Variants in GPR27 observed in about 807,000 individuals in gnomAD.
GPR27 encodes the protein G protein-coupled receptor 27.
In GPR27, 3 loss-of-function variants were observed where a neutral mutation model predicts 2.4. The ratio of observed to expected loss-of-function variants is 1.23; its 90% CI spans 0.56 to 3.18. The LOEUF (loss-of-function observed/expected upper bound fraction) is 3.18. Among genes scored for constraint, GPR27 ranks in the 30% most tolerant of loss-of-function variants. The probability of loss-of-function intolerance (pLI) is 0.03; values close to 1 mark genes in which losing one functional copy is unlikely to be tolerated. For missense variants in GPR27, 526 were observed against 566.1 expected (o/e 0.93, Z 0.72); for synonymous variants, 367 against 296.4 (o/e 1.24, Z -2.45).
rs1460166308 is a variant in GPR27 at position 71,755,700 on chromosome 3, T to A, written c.*523T>A. On this transcript the variant is annotated 3_prime_UTR_variant, in exon 1 of 1. Transcript: ENST00000304411. ...GGGGGAAGTTGTCCGAAATGCCCTC[T>A]GAATTGCCGGCTGCAGGGTCCTTGT... The A allele has an allele frequency of 6.5e-6, 1 of 153,228 alleles. No individual in the cohort carries two copies. Among genetic ancestry groups the A allele is most frequent in the Non-Finnish European group, 1.5e-5 (1 of 68,738 alleles). The allele number at this position is 153,228 out of a possible 1,614,324, so 9.5% of individuals were successfully genotyped here. A position where few individuals can be genotyped will look rare whatever the true frequency, so the allele number is the denominator to read the frequency against.
In GPR27 at chr3:71,755,451, T is replaced by C; in HGVS notation, c.*274T>C. Reference sequence around the variant, plus strand: ...GTCTTTTTGTAGCGGTACTGACGTCTTTTATTCCATGTGTGGTTCCTTTTT... The same window carrying C: ...GTCTTTTTGTAGCGGTACTGACGTCCTTTATTCCATGTGTGGTTCCTTTTT... On this transcript the variant is annotated 3_prime_UTR_variant, in exon 1 of 1. Transcript: ENST00000304411. 1 of 429,524 alleles carries C rather than the reference T, an allele frequency of 2.3e-6. No homozygotes were observed. The allele number at this position is 429,524 out of a possible 1,614,324, so 26.6% of individuals were successfully genotyped here.
In GPR27 at chr3:71,754,191, A is replaced by T. The variant is rs1346401676; in HGVS notation, c.142A>T (p.Ser48Cys). 7 of 1,422,902 alleles carry T rather than the reference A, an allele frequency of 4.9e-6. No individual in the cohort carries two copies. The highest frequency in any genetic ancestry group is 1.5e-5 in the African/African-American group (1 of 67,034). 88.1% of individuals were successfully genotyped at this position (1,422,902 alleles called of 1,614,324 possible). The change falls in exon 1 of 1, where the codon AGC (serine) becomes TGC (cysteine). Residue 48 changes from serine to cysteine, a missense_variant. This residue lies in a region of GPR27 where 312 missense variants were observed against 318.4 expected (regional missense o/e 0.98). Transcript: ENST00000304411. The surrounding 1 kb of genome is among the most constrained non-coding windows in gnomAD (Gnocchi z 5.8). ...LFALLIVRER[S>C]LHRAPYYLLL... The stretch of plus-strand genomic sequence containing the variant: ...CGCGCTGCTGATCGTGCGGGAGCGC[A>T]GCCTGCACCGCGCCCCGTACTACCT...
Position 71,754,175 on chromosome 3 carries a change from G to T in GPR27, c.126G>T (p.Leu42=), listed in dbSNP as rs765142965. 1 of 1,447,296 alleles carries T rather than the reference G, an allele frequency of 6.9e-7. No homozygotes were observed. Among genetic ancestry groups the T allele is most frequent in the Non-Finnish European group, 9.2e-7 (1 of 1,089,668 alleles). 89.7% of individuals were successfully genotyped at this position (1,447,296 alleles called of 1,614,324 possible). Residue 42 remains leucine (L), a synonymous_variant, in exon 1 of 1, where the codon CTG becomes CTT. Transcript: ENST00000304411. The surrounding 1 kb of genome is among the most constrained non-coding windows in gnomAD (Gnocchi z 5.8). ...SLAGNVLFAL[L]IVRERSLHRA... Reference sequence around the variant, plus strand: ...CGGGCAACGTGCTGTTCGCGCTGCTGATCGTGCGGGAGCGCAGCCTGCACC... The same window carrying T: ...CGGGCAACGTGCTGTTCGCGCTGCTTATCGTGCGGGAGCGCAGCCTGCACC...
chr3:71,753,969 G>A lies in GPR27; in HGVS notation c.-81G>A, dbSNP rs1264913138. 9.6e-7 allele frequency: 1 copy of A among 1,036,708 alleles called. No individual in the cohort carries two copies. The highest frequency in any genetic ancestry group is 1.2e-6 in the Non-Finnish European group (1 of 864,594). The allele number at this position is 1,036,708 out of a possible 1,614,324, so 64.2% of individuals were successfully genotyped here. A position where few individuals can be genotyped will look rare whatever the true frequency, so the allele number is the denominator to read the frequency against. On this transcript the variant is annotated 5_prime_UTR_variant, in exon 1 of 1. Transcript: ENST00000304411. The stretch of plus-strand genomic sequence containing the variant: ...GCTCGCCCAGGGCCGGCGGAGCGGC[G>A]GAGCTCGGGCCGGGCGGCCTGCGGG...
At position 71,754,390 on chromosome 3, in the gene GPR27, T is replaced by C; in HGVS notation, c.341T>C (p.Leu114Pro). The change falls in exon 1 of 1, where the codon CTG (leucine) becomes CCG (proline). Residue 114 changes from leucine to proline, a missense_variant. This residue lies in a region of GPR27 where 312 missense variants were observed against 318.4 expected (regional missense o/e 0.98). Coordinates refer to ENST00000304411, the MANE Select transcript of GPR27 (RefSeq NM_018971.3). The surrounding 1 kb of genome is among the most constrained non-coding windows in gnomAD (Gnocchi z 5.8). ...LFCFHAAFLL[L>P]GVGVTRYLAI... is the part of the protein sequence containing the mutation. Reference sequence around the variant, plus strand: ...TGCTTCCACGCCGCCTTCCTGCTGCTGGGCGTGGGCGTCACCCGCTACCTG... The same window carrying C: ...TGCTTCCACGCCGCCTTCCTGCTGCCGGGCGTGGGCGTCACCCGCTACCTG... 1.5e-6 allele frequency: 2 copies of C among 1,344,590 alleles called. No homozygotes were observed. Among genetic ancestry groups the C allele is most frequent in the South Asian group, 1.7e-5 (1 of 58,204 alleles). The allele number at this position is 1,344,590 out of a possible 1,614,324, so 83.3% of individuals were successfully genotyped here.
chr3:71,754,266 C>G lies in GPR27; in HGVS notation c.217C>G (p.Pro73Ala), dbSNP rs1578399670. 2.4e-6 allele frequency: 3 copies of G among 1,227,150 alleles called. No homozygotes were observed. The highest frequency in any genetic ancestry group is 3.1e-6 in the Non-Finnish European group (3 of 974,976). 76.0% of individuals were successfully genotyped at this position (1,227,150 alleles called of 1,614,324 possible). The change falls in exon 1 of 1, where the codon CCG becomes GCG. Residue 73 changes from proline (P) to alanine (A), a missense_variant. Coordinates refer to ENST00000304411, the MANE Select transcript of GPR27 (RefSeq NM_018971.3). The surrounding 1 kb of genome is among the most constrained non-coding windows in gnomAD (Gnocchi z 5.8). ...CGGGCTGCGCGCGCTCGCCTGCCTC[C>G]CGGCCGTCATGCTGGCGGCGCGGCG... ...ADGLRALACL[P>A]AVMLAARRAA...
In GPR27 at chr3:71,754,534, G is replaced by C; in HGVS notation, c.485G>C (p.Gly162Ala). ...GCGGCCTTCCCGCCAGTGCTGGACG[G>C]CGGTGGCGACGACGAGGACGCGCCG... The part of the protein sequence containing the change: ...LAAAFPPVLD[G>A]GGDDEDAPCA... Residue 162 changes from glycine to alanine, a missense_variant, in exon 1 of 1, where the codon GGC becomes GCC. Transcript: ENST00000304411. The surrounding 1 kb of genome is among the most constrained non-coding windows in gnomAD (Gnocchi z 5.8). The C allele has an allele frequency of 7.4e-7, 1 of 1,345,644 alleles. No homozygotes were observed. Among genetic ancestry groups the C allele is most frequent in the Non-Finnish European group, 9.5e-7 (1 of 1,047,960 alleles). The allele number at this position is 1,345,644 out of a possible 1,614,324, so 83.4% of individuals were successfully genotyped here.
Position 71,754,360 on chromosome 3 carries a change from T to C in GPR27, c.311T>C (p.Leu104Pro). 7.6e-7 allele frequency: 1 copy of C among 1,316,176 alleles called. No homozygotes were observed. The highest frequency in any genetic ancestry group is 1.9e-5 in the South Asian group (1 of 53,438). The allele number at this position is 1,316,176 out of a possible 1,614,324, so 81.5% of individuals were successfully genotyped here. ...GCKLLAFLAALFCFHAAFLLL... is the reference protein window; with the variant it reads ...GCKLLAFLAAPFCFHAAFLLL... ...AAGCTGCTCGCCTTCCTGGCCGCGC[T>C]CTTCTGCTTCCACGCCGCCTTCCTG... The change falls in exon 1 of 1, where the codon CTC becomes CCC. Residue 104 changes from leucine to proline, a missense_variant. Leu to Pro is a moderately conservative substitution (Grantham distance 98). Transcript: ENST00000304411. The surrounding 1 kb of genome is among the most constrained non-coding windows in gnomAD (Gnocchi z 5.8).
At position 71,754,329 on chromosome 3, in the gene GPR27, G is replaced by A; in HGVS notation, c.280G>A (p.Gly94Ser). Residue 94 changes from glycine to serine, a missense_variant, in exon 1 of 1, where the codon GGC becomes AGC. Gly to Ser is a moderately conservative substitution (Grantham distance 56). Around this residue, in one of 3 missense-constraint regions of GPR27, gnomAD observed 312 missense variants for 318.4 expected, o/e 0.98. Coordinates refer to ENST00000304411, the MANE Select transcript of GPR27 (RefSeq NM_018971.3). The surrounding 1 kb of genome is among the most constrained non-coding windows in gnomAD (Gnocchi z 5.8). ...AAAGAPPGAL[G>S]CKLLAFLAAL... ...GGCGGGGGCGCCGCCGGGCGCGCTG[G>A]GCTGCAAGCTGCTCGCCTTCCTGGC... is the stretch of plus-strand genomic sequence containing the variant. 1 of 1,241,474 alleles carries A rather than the reference G, an allele frequency of 8.1e-7. No homozygotes were observed. Among genetic ancestry groups the A allele is most frequent in the East Asian group, 3.8e-5 (1 of 26,250 alleles). The allele number at this position is 1,241,474 out of a possible 1,614,324, so 76.9% of individuals were successfully genotyped here.
Position 71,754,006 on chromosome 3 carries a change from AG to A in GPR27, c.-40del. On this transcript the variant is annotated 5_prime_UTR_variant, in exon 1 of 1. Transcript: ENST00000304411. This position sits in a 1 kb window ranked among gnomAD's most constrained non-coding sequence, Gnocchi z 5.8. ...GGGCGGCCTGCGGGAGCGGCGAGGC[AG>A]GGGACGGCCCCGGGGCGGAGCGCAC... 9.2e-7 allele frequency: 1 copy of A among 1,083,144 alleles called. No homozygotes were observed. Among genetic ancestry groups the A allele is most frequent in the East Asian group, 5.6e-5 (1 of 17,722 alleles). The allele number at this position is 1,083,144 out of a possible 1,614,324, so 67.1% of individuals were successfully genotyped here.
chr3:71,754,306 C>CGGGGGCGCCGCCGGGCGCGCT lies in GPR27; in HGVS notation c.261_281dup (p.Ala88_Gly94dup). ...GCGGCGCGGCGTGCGGCGGCCGCGGCGGGGGCGCCGCCGGGCGCGCTGGGC... is the reference window on the plus strand; with the variant it reads ...GCGGCGCGGCGTGCGGCGGCCGCGGCGGGGGCGCCGCCGGGCGCGCTGGGGGCGCCGCCGGGCGCGCTGGGC... On this transcript the variant is annotated inframe_insertion, in exon 1 of 1. Transcript: ENST00000304411. This position sits in a 1 kb window ranked among gnomAD's most constrained non-coding sequence, Gnocchi z 5.8. The CGGGGGCGCCGCCGGGCGCGCT allele has an allele frequency of 8.7e-7, 1 of 1,154,386 alleles. No homozygotes were observed. Among genetic ancestry groups the CGGGGGCGCCGCCGGGCGCGCT allele is most frequent in the Non-Finnish European group, 1.1e-6 (1 of 940,330 alleles). The allele number at this position is 1,154,386 out of a possible 1,614,324, so 71.5% of individuals were successfully genotyped here. A position where few individuals can be genotyped will look rare whatever the true frequency, so the allele number is the denominator to read the frequency against.
rs767716510 is a variant in GPR27, at chr3:71,755,034, G to C, written c.985G>C (p.Ala329Pro). The change falls in exon 1 of 1, where the codon GCG becomes CCG. Residue 329 changes from alanine to proline, a missense_variant. By Grantham distance (27) the Ala-to-Pro change is conservative (BLOSUM62 -1). Around this residue, in one of 3 missense-constraint regions of GPR27, gnomAD observed 116 missense variants for 100.9 expected, o/e 1.15. Transcript: ENST00000304411. ...YLTASVWLTF[A>P]QAGINPVVCF... The stretch of plus-strand genomic sequence containing the variant: ...GACGGCCTCCGTGTGGCTGACCTTC[G>C]CGCAGGCCGGCATCAACCCCGTCGT... The C allele has an allele frequency of 6.2e-7, 1 of 1,612,568 alleles. No individual in the cohort carries two copies. Among genetic ancestry groups the C allele is most frequent in the South Asian group, 1.1e-5 (1 of 91,084 alleles).
In GPR27 at chr3:71,754,948, A is replaced by C. The variant is rs764436891; in HGVS notation, c.899A>C (p.Tyr300Ser). 5.6e-6 allele frequency: 9 copies of C among 1,613,124 alleles called. No homozygotes were observed. Among genetic ancestry groups the C allele is most frequent in the Non-Finnish European group, 6.8e-6 (8 of 1,179,654 alleles). ...CTCTTCCTGCTCCTCTGGGGGCCCT[A>C]CGTCGTGGCCAGCTACCTGCGGGTC... ...TLLFLLLWGPYVVASYLRVLV... is the reference protein window; with the variant it reads ...TLLFLLLWGPSVVASYLRVLV... The change falls in exon 1 of 1, where the codon TAC (tyrosine) becomes TCC (serine). Residue 300 changes from tyrosine to serine, a missense_variant. Transcript: ENST00000304411. This position sits in a 1 kb window ranked among gnomAD's most constrained non-coding sequence, Gnocchi z 5.8.
In GPR27 at chr3:71,755,113, G is replaced by C. The variant is rs780902248; in HGVS notation, c.1064G>C (p.Cys355Ser). 6.2e-7 allele frequency: 1 copy of C among 1,609,888 alleles called. No homozygotes were observed. Among genetic ancestry groups the C allele is most frequent in the Non-Finnish European group, 8.5e-7 (1 of 1,179,846 alleles). The part of the protein sequence containing the change: ...LRDCFRAQFP[C>S]CQSPRTTQAT... The stretch of plus-strand genomic sequence containing the variant: ...GACTGCTTCAGGGCCCAGTTCCCCT[G>C]CTGCCAGAGCCCCCGGACCACCCAG... The change falls in exon 1 of 1, where the codon TGC becomes TCC. Residue 355 changes from cysteine to serine, a missense_variant. Coordinates refer to ENST00000304411, the MANE Select transcript of GPR27 (RefSeq NM_018971.3).
In GPR27 at chr3:71,754,264, T is replaced by A; in HGVS notation, c.215T>A (p.Leu72His). Reference protein sequence around the residue: ...LADGLRALACLPAVMLAARRA... With the variant: ...LADGLRALACHPAVMLAARRA... Reference sequence around the variant, plus strand: ...GACGGGCTGCGCGCGCTCGCCTGCCTCCCGGCCGTCATGCTGGCGGCGCGG... The same window carrying A: ...GACGGGCTGCGCGCGCTCGCCTGCCACCCGGCCGTCATGCTGGCGGCGCGG... The change falls in exon 1 of 1, where the codon CTC (leucine) becomes CAC (histidine). Residue 72 changes from leucine to histidine, a missense_variant. By Grantham distance (99) the Leu-to-His change is moderately conservative. Around this residue, in one of 3 missense-constraint regions of GPR27, gnomAD observed 312 missense variants for 318.4 expected, o/e 0.98. Transcript: ENST00000304411. The surrounding 1 kb of genome is among the most constrained non-coding windows in gnomAD (Gnocchi z 5.8). The A allele has an allele frequency of 1.6e-6, 2 of 1,227,986 alleles. No homozygotes were observed. Among genetic ancestry groups the A allele is most frequent in the Non-Finnish European group, 2.1e-6 (2 of 975,066 alleles). The allele number at this position is 1,227,986 out of a possible 1,614,324, so 76.1% of individuals were successfully genotyped here.
Position 71,754,018 on chromosome 3 carries a change from C to T in GPR27, c.-32C>T, listed in dbSNP as rs868196398. 11 of 1,131,326 alleles carry T rather than the reference C, an allele frequency of 9.7e-6. No homozygotes were observed. The East Asian group carries it at 1.5e-4, about 15-fold the overall frequency. 70.1% of individuals were successfully genotyped at this position (1,131,326 alleles called of 1,614,324 possible). Reference sequence around the variant, plus strand: ...GGAGCGGCGAGGCAGGGGACGGCCCCGGGGCGGAGCGCACGGCCTGGTGAG... The same window carrying T: ...GGAGCGGCGAGGCAGGGGACGGCCCTGGGGCGGAGCGCACGGCCTGGTGAG... On this transcript the variant is annotated 5_prime_UTR_variant, in exon 1 of 1. Coordinates refer to ENST00000304411, the MANE Select transcript of GPR27 (RefSeq NM_018971.3). The surrounding 1 kb of genome is among the most constrained non-coding windows in gnomAD (Gnocchi z 5.8).
Position 71,754,089 on chromosome 3 carries a change from G to A in GPR27, c.40G>A (p.Glu14Lys), listed in dbSNP as rs2049971018. 2.2e-6 allele frequency: 3 copies of A among 1,348,512 alleles called. No individual in the cohort carries two copies. The highest frequency in any genetic ancestry group is 2.9e-6 in the Non-Finnish European group (3 of 1,039,996). 83.5% of individuals were successfully genotyped at this position (1,348,512 alleles called of 1,614,324 possible). Residue 14 changes from glutamate to lysine, a missense_variant, in exon 1 of 1, where the codon GAG becomes AAG. This residue lies in a region of GPR27 where 312 missense variants were observed against 318.4 expected (regional missense o/e 0.98). Coordinates refer to ENST00000304411, the MANE Select transcript of GPR27 (RefSeq NM_018971.3). This position sits in a 1 kb window ranked among gnomAD's most constrained non-coding sequence, Gnocchi z 5.8. The part of the protein sequence containing the change: ...ASEPGGSGGG[E>K]AAALGLKLAT... ...CGAGCCGGGTGGCAGCGGCGGCGGC[G>A]AGGCGGCCGCCCTGGGCCTCAAGCT...
Position 71,754,274 on chromosome 3 carries a change from C to T in GPR27, c.225C>T (p.Val75=). 2.5e-6 allele frequency: 3 copies of T among 1,199,866 alleles called. No homozygotes were observed. Among genetic ancestry groups the T allele is most frequent in the Non-Finnish European group, 3.1e-6 (3 of 962,998 alleles). The allele number at this position is 1,199,866 out of a possible 1,614,324, so 74.3% of individuals were successfully genotyped here. Residue 75 remains valine, a synonymous_variant, in exon 1 of 1, where the codon GTC becomes GTT. Coordinates refer to ENST00000304411, the MANE Select transcript of GPR27 (RefSeq NM_018971.3). This position sits in a 1 kb window ranked among gnomAD's most constrained non-coding sequence, Gnocchi z 5.8. ...GLRALACLPA[V]MLAARRAAAA... is the part of the protein sequence containing the mutation. ...GCGCGCTCGCCTGCCTCCCGGCCGT[C>T]ATGCTGGCGGCGCGGCGTGCGGCGG...
Position 71,754,021 on chromosome 3 carries a change from G to A in GPR27, c.-29G>A. 2.6e-6 allele frequency: 3 copies of A among 1,139,534 alleles called. No homozygotes were observed. The highest frequency in any genetic ancestry group is 2.2e-6 in the Non-Finnish European group (2 of 928,302). The allele number at this position is 1,139,534 out of a possible 1,614,324, so 70.6% of individuals were successfully genotyped here. ...GCGGCGAGGCAGGGGACGGCCCCGGGGCGGAGCGCACGGCCTGGTGAGGCC... is the reference window on the plus strand; with the variant it reads ...GCGGCGAGGCAGGGGACGGCCCCGGAGCGGAGCGCACGGCCTGGTGAGGCC... On this transcript the variant is annotated 5_prime_UTR_variant, in exon 1 of 1. Transcript: ENST00000304411. This position sits in a 1 kb window ranked among gnomAD's most constrained non-coding sequence, Gnocchi z 5.8.
Sources: allele counts gnomAD v4.1 joint callset, GRCh38; gene constraint gnomAD v4.1.1; regional missense constraint gnomAD v4.1.1; non-coding constraint Gnocchi (gnomAD v3.1); transcripts MANE v1.5; gene names NCBI Gene and HGNC (gene_info 2026-07-23, HGNC 2026-07-21).